The following PADI1 variants were observed in gnomAD, a reference collection of about 807,000 sequenced individuals.
PADI1 encodes protein-arginine deiminase type-1.
In PADI1, 65 loss-of-function variants were observed where a neutral mutation model predicts 74.8. That is an observed-to-expected ratio of 0.87 (90% CI 0.71 to 1.07). The LOEUF is 1.07. PADI1 is among the 50% of genes least tolerant of loss of function. PADI1 has a pLI of 0.00. For missense variants in PADI1, 943 were observed against 854.0 expected (o/e 1.10, Z -1.30); for synonymous variants, 371 against 336.2 (o/e 1.10, Z -1.13).
chr1:17,224,206 G>A (rs2072244353), intron 3 of PADI1, among the ~76,000 whole-genome samples, 161 bp from the exon 4 acceptor site: 1 of 152,210 alleles, frequency 6.6e-6, no homozygotes. Context: ...AGAACCACAG[G>A]GCAAGCCACA....
Position 17,224,429 on chromosome 1 carries a change from G to T in PADI1, c.408+1G>T, listed in dbSNP as rs760482097. Reference sequence around the variant, plus strand: ...GGTGAAGAGGAGCCAAGGGGACAAGGTGAGACCCTTCCGGGCACCCCAAGG... The same window carrying T: ...GGTGAAGAGGAGCCAAGGGGACAAGTTGAGACCCTTCCGGGCACCCCAAGG... On this transcript the variant is annotated splice_donor_variant, in intron 4 of 15. Transcript: ENST00000375471. LOFTEE classifies it high-confidence loss of function. The T allele has an allele frequency of 6.2e-7, 1 of 1,613,006 alleles. No homozygotes were observed. The highest frequency in any genetic ancestry group is 1.1e-5 in the South Asian group (1 of 90,912).
At position 17,226,117 on chromosome 1, in the gene PADI1, C is replaced by T; in HGVS notation, c.611C>T (p.Pro204Leu). ...AGCCACAAGCTTGTCTTGAACGTGC[C>T]CTTTTCTGATTCCAAAAGAGTGAGG... ...FDSHKLVLNV[P>L]FSDSKRVRVF... Residue 204 changes from proline (P) to leucine (L), a missense_variant, in exon 6 of 16, where the codon CCC becomes CTC. Transcript: ENST00000375471. 6.2e-7 allele frequency: 1 copy of T among 1,614,198 alleles called. No individual in the cohort carries two copies. The highest frequency in any genetic ancestry group is 8.5e-7 in the Non-Finnish European group (1 of 1,180,040).
rs892197304 is a variant in PADI1, at chr1:17,218,351, AC to A, written c.93-3932del. On this transcript the variant is annotated intron_variant, in intron 1 of 15. Transcript: ENST00000375471. ...TATATATACATATATATGCATAAGA[AC>A]CCCCCCACTCCAGAGAGCTGGTTGT... is the stretch of plus-strand genomic sequence containing the variant. Among the ~76,000 whole-genome samples, 20 of 151,870 alleles carry A rather than the reference AC, an allele frequency of 1.3e-4. No individual in the cohort carries two copies. In the East Asian group the frequency reaches 2.9e-3, roughly 22 times the overall value.
chr1:17,213,411 A>G (rs2071886110), intron 1 of PADI1, among the ~76,000 whole-genome samples: 1 of 152,190 alleles, frequency 6.6e-6, no homozygotes. Context: ...ACATCGTCCT[A>G]TAAAATCCCC....
At chr1:17,239,887 TGGTCCTGGG>T (rs1304333983) in intron 14 of PADI1, 104 bp downstream of exon 14, 2 of 907,114 alleles carry the variant, frequency 2.2e-6, no homozygotes, top group African/African-American at 3.3e-5. Context: ...GGAGCTCTCA[TGGTCCTGGG>T]GGCTGCTGGG....
At chr1:17,224,337 C>A (rs769355229) in intron 3 of PADI1, 30 bp from the exon 4 acceptor site, 2 of 1,604,314 alleles carry the variant, frequency 1.2e-6, no homozygotes, top group Non-Finnish European at 1.7e-6. Flanking sequence ...CTGGATGAGC[C>A]CCTGGCAGCC....
Position 17,245,245 on chromosome 1 carries a change from A to T in PADI1, c.*1002A>T, listed in dbSNP as rs527786731. ...TAATAGTCTTTAATTATTCCCCTTC[A>T]TTCTGCAGGCAGTGGGAGGGGAAGG... On this transcript the variant is annotated 3_prime_UTR_variant, in exon 16 of 16. Transcript: ENST00000375471. This position sits in a 1 kb window ranked among gnomAD's most constrained non-coding sequence, Gnocchi z 4.1. 6.5e-6 allele frequency: 1 copy of T among 152,756 alleles called. No homozygotes were observed. The highest frequency in any genetic ancestry group is 6.5e-5 in the Admixed American group (1 of 15,306). The allele number at this position is 152,756 out of a possible 1,614,324, so 9.5% of individuals were successfully genotyped here.
intron 1 of PADI1, among the ~76,000 whole-genome samples, chr1:17,219,466 A>G (rs1295003227): frequency 2.0e-5 from 3 of 152,068 alleles, no homozygotes; most frequent in African/African-American, 7.2e-5. Context: ...CAGTTTTTTG[A>G]TAATAACATT....
In PADI1 at chr1:17,237,361, C is replaced by A. The variant is rs1368475955; in HGVS notation, c.1361C>A (p.Ala454Glu). The A allele has an allele frequency of 6.2e-7, 1 of 1,613,254 alleles. No homozygotes were observed. Among genetic ancestry groups the A allele is most frequent in the South Asian group, 1.1e-5 (1 of 90,938 alleles). Reference protein sequence around the residue: ...MARAVRNFLKAQQVQAPVELY... With the variant: ...MARAVRNFLKEQQVQAPVELY... ...AGGGCAGTGCGGAACTTCCTGAAGG[C>A]ACAGCAGGTGCAGGCACCCGTGGAG... is the stretch of plus-strand genomic sequence containing the variant. Residue 454 changes from alanine (A) to glutamate (E), a missense_variant, in exon 12 of 16, where the codon GCA (alanine) becomes GAA (glutamate). By Grantham distance (107) the Ala-to-Glu change is moderately radical (BLOSUM62 -1). Transcript: ENST00000375471.
intron 1 of PADI1, among the ~76,000 whole-genome samples, chr1:17,221,125 C>T (rs184668947): frequency 1.4e-4 from 22 of 152,250 alleles, no homozygotes; most frequent in Admixed American, 7.2e-4. Context: ...AGAAGTTGCA[C>T]GGGGTGCTGG....
intron 1 of PADI1, among the ~76,000 whole-genome samples, chr1:17,215,431 C>A (rs2071951036): frequency 6.6e-6 from 1 of 151,782 alleles, no homozygotes; most frequent in East Asian, 1.9e-4. Flanking sequence ...TCTACCAAGA[C>A]TCCAAATAGG....
In PADI1 at chr1:17,232,861, G is replaced by A. The variant is rs772892609; in HGVS notation, c.1204G>A (p.Gly402Ser). The A allele has an allele frequency of 2.5e-6, 4 of 1,613,350 alleles. No homozygotes were observed. In the South Asian group the frequency reaches 4.4e-5, roughly 18 times the overall value. Residue 402 changes from glycine to serine, a missense_variant, in exon 11 of 16, where the codon GGT becomes AGT. Coordinates refer to ENST00000375471, the MANE Select transcript of PADI1 (RefSeq NM_013358.3). ...GYVTREIPLP[G>S]PSSLDSFGNL... ...TGTTACCCGGGAGATCCCGCTCCCT[G>A]GTCCCTCCAGCCTTGACTCCTTCGG...
rs116165524 is a variant in PADI1, at chr1:17,211,478, C to G, written c.92+6169C>G. On this transcript the variant is annotated intron_variant, in intron 1 of 15. Coordinates refer to ENST00000375471, the MANE Select transcript of PADI1 (RefSeq NM_013358.3). ...CCAGCCGGCAGCCCTGTTTTAAGTG[C>G]TCACTGCACCATCTCAGTTAAACCT... Among the ~76,000 whole-genome samples, 566 of 152,294 alleles carry G rather than the reference C, an allele frequency of 3.7e-3. 4 individuals carry two copies. Among genetic ancestry groups the G allele is most frequent in the African/African-American group, 0.011 (440 of 41,560 alleles).
At chr1:17,222,650 ACCT>A (rs1198674128) in intron 2 of PADI1, among the ~76,000 whole-genome samples, 180 bp downstream of exon 2, 4 of 151,700 alleles carry the variant, frequency 2.6e-5, no homozygotes, top group African/African-American at 9.7e-5. Context: ...AAACACGCAA[ACCT>A]CCACCACCAC....
Position 17,219,735 on chromosome 1 carries a change from C to A in PADI1, c.93-2555C>A, listed in dbSNP as rs72646744. ...ATGTCAATGCAAAGCTGGGGGTTTA[C>A]GGAGTGAAGAAAGATGATGATCTGG... On this transcript the variant is annotated intron_variant, in intron 1 of 15. Coordinates refer to ENST00000375471, the MANE Select transcript of PADI1 (RefSeq NM_013358.3). Among the ~76,000 whole-genome samples, 1,475 of 152,018 alleles carry A rather than the reference C, an allele frequency of 9.7e-3. 14 individuals carry two copies. Among genetic ancestry groups the A allele is most frequent in the Non-Finnish European group, 0.016 (1,086 of 67,982 alleles).
Position 17,244,024 on chromosome 1 carries a change from C to A in PADI1, c.1773C>A (p.Val591=). 6.2e-7 allele frequency: 1 copy of A among 1,613,632 alleles called. No individual in the cohort carries two copies. The highest frequency in any genetic ancestry group is 8.5e-7 in the Non-Finnish European group (1 of 1,179,574). ...CTCTTTTGCAGGTTAACATGGTGGT[C>A]TTAGGCAAGTACCTGGGCATCCCCA... is the stretch of plus-strand genomic sequence containing the variant. ...AFFPDMVNMV[V]LGKYLGIPKP... is the part of the protein sequence containing the mutation. The change falls in exon 16 of 16, where the codon GTC becomes GTA. Residue 591 remains valine (V), a synonymous_variant. Transcript: ENST00000375471.
At chr1:17,234,152 C>T (rs865885627) in intron 11 of PADI1, among the ~76,000 whole-genome samples, 2 of 152,292 alleles carry the variant, frequency 1.3e-5, no homozygotes, top group South Asian at 4.1e-4. Context: ...TGGGATGAGT[C>T]CCCCAAACCA....
chr1:17,235,246 AGT>A (rs2072606226), intron 11 of PADI1, among the ~76,000 whole-genome samples: 1 of 39,208 alleles, frequency 2.6e-5, no homozygotes, highest in Non-Finnish European at 5.1e-5. Context: ...AGGGAGGGAG[AGT>A]GGGAGGGAGG....
chr1:17,224,441 C>A lies in PADI1; in HGVS notation c.408+13C>A. On this transcript the variant is annotated intron_variant, in intron 4 of 15. Transcript: ENST00000375471. ...CCAAGGGGACAAGGTGAGACCCTTC[C>A]GGGCACCCCAAGGCTGCGGGGTTGA... 1 of 1,609,278 alleles carries A rather than the reference C, an allele frequency of 6.2e-7. No individual in the cohort carries two copies. The highest frequency in any genetic ancestry group is 8.5e-7 in the Non-Finnish European group (1 of 1,176,640).
Sources: gnomAD v4.1 joint callset for allele counts (sites outside exome capture counted in the v4.1 genomes callset) on GRCh38, gnomAD v4.1.1 for gene constraint, Gnocchi (gnomAD v3.1) non-coding constraint, MANE v1.5 for transcripts, NCBI Gene and HGNC (gene_info 2026-07-23, HGNC 2026-07-21) for gene names.